Variants in RANBP17 observed in about 807,000 individuals in gnomAD.
RANBP17 encodes the protein ran-binding protein 17.
In RANBP17, 158 loss-of-function variants were observed where a neutral mutation model predicts 141.2. That is an observed-to-expected ratio of 1.12 (90% CI 0.98 to 1.28). RANBP17 has a LOEUF of 1.28. Among genes scored for constraint, RANBP17 ranks in the 50% most tolerant of loss-of-function variants. The pLI is 0.00. For synonymous variants in RANBP17, 430 were observed against 450.0 expected, an observed-to-expected ratio of 0.96 and a Z score of 0.56; for missense variants, 1,438 against 1,290.7, an observed-to-expected ratio of 1.11 and a Z score of -1.75.
chr5:171,038,476 A>G (rs1046185961), intron 14 of RANBP17, among the ~76,000 whole-genome samples: 2 of 152,174 alleles, frequency 1.3e-5, no homozygotes. Flanking sequence ...GAGGGCTTCC[A>G]GTACTATGTT....
intron 25 of RANBP17, among the ~76,000 whole-genome samples, chr5:171,268,448 A>G (rs1421575498): frequency 2.0e-5 from 3 of 152,168 alleles, no homozygotes; most frequent in Non-Finnish European, 4.4e-5. Context: ...TACTACTCAC[A>G]CCATTGGTAT....
chr5:171,173,084 G>T (rs903587231), intron 16 of RANBP17, among the ~76,000 whole-genome samples: 11 of 151,910 alleles, frequency 7.2e-5, no homozygotes, highest in African/African-American at 2.2e-4. Flanking sequence ...AGTTCAATTT[G>T]ATTTCAGTGC....
chr5:170,914,586 C>T (rs1771795832), intron 8 of RANBP17, among the ~76,000 whole-genome samples: 1 of 152,132 alleles, frequency 6.6e-6, no homozygotes, highest in Non-Finnish European at 1.5e-5. Context: ...TTCCCTTCTA[C>T]TACCCTTCTC....
At chr5:170,898,269 C>T (rs1770302936) in intron 5 of RANBP17, among the ~76,000 whole-genome samples, 1 of 152,162 alleles carries the variant, frequency 6.6e-6, no homozygotes, top group South Asian at 2.1e-4. Context: ...ATTTGCATTT[C>T]TCTAATGACT....
intron 22 of RANBP17, among the ~76,000 whole-genome samples, chr5:171,225,813 C>T (rs1228580336): frequency 2.0e-5 from 3 of 152,152 alleles, no homozygotes; most frequent in African/African-American, 7.2e-5. Context: ...GTGAGACTGG[C>T]AGAAAAATAA....
intron 14 of RANBP17, among the ~76,000 whole-genome samples, chr5:171,015,543 G>A (rs1780367719): frequency 6.6e-6 from 1 of 151,980 alleles, no homozygotes; most frequent in Non-Finnish European, 1.5e-5. Flanking sequence ...TTGAACATAT[G>A]AAATACATAT....
intron 14 of RANBP17, among the ~76,000 whole-genome samples, chr5:171,155,094 A>AATATATATATATATATAT (rs1554106866): frequency 4.0e-5 from 3 of 74,962 alleles, no homozygotes; most frequent in African/African-American, 1.6e-4. Flanking sequence ...AAAAAAAAAA[A>AATATATATATATATATAT]ATATATATAT....
intron 14 of RANBP17, among the ~76,000 whole-genome samples, chr5:171,052,519 A>T (rs983224735): frequency 4.6e-5 from 7 of 152,174 alleles, no homozygotes; most frequent in Admixed American, 1.3e-4. Flanking sequence ...ATAGTCAAAA[A>T]ATCATTTATC....
At chr5:170,936,738 G>A (rs1773909743) in intron 12 of RANBP17, among the ~76,000 whole-genome samples, 1 of 152,034 alleles carries the variant, frequency 6.6e-6, no homozygotes, top group African/African-American at 2.4e-5. Context: ...TTAAGATAAT[G>A]TTCATATATT....
chr5:170,892,300 C>A, intron 3 of RANBP17, 87 bp from the exon 4 acceptor site: 1 of 459,466 alleles, frequency 2.2e-6, no homozygotes, highest in South Asian at 3.2e-5. Context: ...CCTCCCCTTC[C>A]CCCACCCCCA....
chr5:170,881,431 G>C (rs1437311076), intron 2 of RANBP17, among the ~76,000 whole-genome samples: 1 of 152,150 alleles, frequency 6.6e-6, no homozygotes, highest in Non-Finnish European at 1.5e-5. Flanking sequence ...AGGCTGTCAT[G>C]GTCAGAGCAA....
At chr5:170,888,843 G>A (rs1043252793) in intron 3 of RANBP17, among the ~76,000 whole-genome samples, 1 of 152,000 alleles carries the variant, frequency 6.6e-6, no homozygotes, top group Non-Finnish European at 1.5e-5. Context: ...TTTTGTAGAT[G>A]TACTTTATCA....
At position 171,299,165 on chromosome 5, in the gene RANBP17, C is replaced by A. The variant is rs2128049012; in HGVS notation, c.*307C>A. 1 of 299,270 alleles carries A rather than the reference C, an allele frequency of 3.3e-6. No individual in the cohort carries two copies. The highest frequency in any genetic ancestry group is 6.3e-6 in the Non-Finnish European group (1 of 158,344). 18.5% of individuals were successfully genotyped at this position (299,270 alleles called of 1,614,324 possible). ...TATTTAACCAAAGAACGTAATAAAC[C>A]AGGTTTGCACCTAAGTGTGTACTAG... On this transcript the variant is annotated 3_prime_UTR_variant, in exon 28 of 28. Coordinates refer to ENST00000523189, the MANE Select transcript of RANBP17 (RefSeq NM_022897.5).
chr5:170,992,568 C>G (rs1204250388), intron 14 of RANBP17, among the ~76,000 whole-genome samples: 6 of 152,004 alleles, frequency 3.9e-5, no homozygotes, highest in Non-Finnish European at 8.8e-5. Context: ...AAGTTGTAAA[C>G]TATAAAGCAT....
chr5:171,088,105 G>A (rs1386389318), intron 14 of RANBP17, among the ~76,000 whole-genome samples: 1 of 151,800 alleles, frequency 6.6e-6, no homozygotes, highest in Non-Finnish European at 1.5e-5. Context: ...GCTGGTACCG[G>A]TTGTTCCTTT....
At chr5:170,979,221 A>G (rs1777597996) in intron 14 of RANBP17, among the ~76,000 whole-genome samples, 1 of 152,240 alleles carries the variant, frequency 6.6e-6, no homozygotes, top group East Asian at 1.9e-4. Flanking sequence ...AGCAAAAGGC[A>G]TAGTTCAACC....
chr5:170,955,678 A>ATG (rs1193723363), intron 13 of RANBP17, among the ~76,000 whole-genome samples: 1 of 79,566 alleles, frequency 1.3e-5, no homozygotes, highest in African/African-American at 4.7e-5. Context: ...ATATATATAT[A>ATG]TATACACTGA....
At chr5:171,013,729 C>T (rs1780231201) in intron 14 of RANBP17, among the ~76,000 whole-genome samples, 4 of 151,960 alleles carry the variant, frequency 2.6e-5, no homozygotes. Context: ...TTAAAAATGG[C>T]TTTGGCTATT....
At chr5:170,923,372 AC>A (rs777883626) in intron 11 of RANBP17, among the ~76,000 whole-genome samples, 27 of 152,174 alleles carry the variant, frequency 1.8e-4, no homozygotes, top group Non-Finnish European at 3.4e-4. Context: ...CTGTTCTTTC[AC>A]CAGTACCCTG....
Sources: allele counts gnomAD v4.1 joint callset (sites outside exome capture counted in the v4.1 genomes callset), GRCh38; gene constraint gnomAD v4.1.1; transcripts MANE v1.5; gene names NCBI Gene and HGNC (gene_info 2026-07-23, HGNC 2026-07-21).